The following DCT variants were observed in gnomAD, a reference collection of about 807,000 sequenced individuals.
DCT encodes L-dopachrome tautomerase.
Under a neutral mutation model 53.0 loss-of-function variants are expected in DCT, and 47 were observed. The observed-to-expected ratio is 0.89, with a 90% CI of 0.70 to 1.13. The LOEUF (loss-of-function observed/expected upper bound fraction) is 1.13. DCT is among the 50% of genes most tolerant of loss of function. The pLI is 0.00. For missense variants in DCT, 669 were observed against 637.4 expected, an observed-to-expected ratio of 1.05 and a Z score of -0.53; for synonymous variants, 244 against 237.0, an observed-to-expected ratio of 1.03 and a Z score of -0.27.
chr13:94,442,495 G>C (rs1882397379), intron 7 of DCT, among the ~76,000 whole-genome samples: 1 of 152,084 alleles, frequency 6.6e-6, no homozygotes, highest in Non-Finnish European at 1.5e-5. Context: ...TTTTAGCAGA[G>C]ATAGGTCTCA....
At chr13:94,524,824 G>C in the DCT span, among the ~76,000 whole-genome samples, 1 of 152,226 alleles carries the variant, frequency 6.6e-6, no homozygotes, top group East Asian at 1.9e-4. Flanking sequence ...TGTTACGAAT[G>C]TAACTAGTTA....
At chr13:94,542,750 A>G in the DCT span, among the ~76,000 whole-genome samples, 3 of 152,342 alleles carry the variant, frequency 2.0e-5, no homozygotes, top group African/African-American at 7.2e-5. Context: ...AAAGTAATTT[A>G]CTTGCATGAA....
In DCT at chr13:94,479,166, C is replaced by T; in HGVS notation, c.90G>A (p.Met30Ile). ...CCTTGTTCACTAGGCTGTCCACCGT[C>T]ATGCAGACTCGGGGGAACTGACCCT... The part of the protein sequence containing the change: ...GAQGQFPRVC[M>I]TVDSLVNKEC... The change falls in exon 1 of 8, where the codon ATG becomes ATA. Residue 30 changes from methionine to isoleucine, a missense_variant. Coordinates refer to ENST00000377028, the MANE Select transcript of DCT (RefSeq NM_001922.5). 1 of 1,613,784 alleles carries T rather than the reference C, an allele frequency of 6.2e-7. No homozygotes were observed. Among genetic ancestry groups the T allele is most frequent in the Non-Finnish European group, 8.5e-7 (1 of 1,179,676 alleles).
At chr13:94,548,320 T>G in the DCT span, among the ~76,000 whole-genome samples, 1 of 151,886 alleles carries the variant, frequency 6.6e-6, no homozygotes, top group African/African-American at 2.4e-5. Context: ...AATGTCCAAT[T>G]AGAGAATGAA....
In DCT at chr13:94,468,995, G is replaced by C; in HGVS notation, c.346C>G (p.Pro116Ala). ...GGTGGTTTCTTCCGCTCGCAGTTGGGACCGGTCCAGCCAAACTTGCAGTCT... is the reference window on the plus strand; with the variant it reads ...GGTGGTTTCTTCCGCTCGCAGTTGGCACCGGTCCAGCCAAACTTGCAGTCT... ...CGDCKFGWTGPNCERKKPPVI... is the reference protein window; with the variant it reads ...CGDCKFGWTGANCERKKPPVI... The change falls in exon 2 of 8, where the codon CCC becomes GCC. Residue 116 changes from proline (P) to alanine (A), a missense_variant. Physicochemically the swap from Pro to Ala is conservative, Grantham distance 27. Transcript: ENST00000377028. 1 of 1,614,132 alleles carries C rather than the reference G, an allele frequency of 6.2e-7. No individual in the cohort carries two copies. The highest frequency in any genetic ancestry group is 8.5e-7 in the Non-Finnish European group (1 of 1,180,020).
the DCT span, among the ~76,000 whole-genome samples, chr13:94,529,195 A>T: frequency 6.6e-6 from 1 of 152,184 alleles, no homozygotes; most frequent in Non-Finnish European, 1.5e-5. Context: ...ATAATAGGAG[A>T]CTTTAACACC....
At chr13:94,519,607 T>C in the DCT span, among the ~76,000 whole-genome samples, 1,019 of 152,310 alleles carry the variant, frequency 6.7e-3, 10 homozygotes, top group African/African-American at 0.024. Flanking sequence ...GGAAACATTG[T>C]CAGGAGGTGG....
At chr13:94,493,048 G>A in the DCT span, among the ~76,000 whole-genome samples, 3 of 152,146 alleles carry the variant, frequency 2.0e-5, no homozygotes, top group Non-Finnish European at 4.4e-5. Context: ...AACGTTCATT[G>A]TATCCAATGG....
the DCT span, among the ~76,000 whole-genome samples, chr13:94,547,941 C>T: frequency 3.5e-5 from 4 of 114,442 alleles, no homozygotes; most frequent in Admixed American, 2.4e-4. Flanking sequence ...CCAGCCTGGG[C>T]GTCAGAGTGA....
At chr13:94,529,508 A>T in the DCT span, among the ~76,000 whole-genome samples, 2 of 152,338 alleles carry the variant, frequency 1.3e-5, no homozygotes, top group South Asian at 4.1e-4. Flanking sequence ...ACACAACTAC[A>T]TGGAAACGGA....
chr13:94,509,064 A>G, the DCT span, among the ~76,000 whole-genome samples: 3 of 152,174 alleles, frequency 2.0e-5, no homozygotes, highest in African/African-American at 4.8e-5. Flanking sequence ...TCCCTCCTCC[A>G]TGGTGTCTTA....
chr13:94,536,303 C>T, the DCT span, among the ~76,000 whole-genome samples: 1 of 152,096 alleles, frequency 6.6e-6, no homozygotes, highest in East Asian at 1.9e-4. Flanking sequence ...GCAGCCAGGG[C>T]CTGTGATGCC....
chr13:94,480,771 G>T (rs985916306), upstream of DCT, among the ~76,000 whole-genome samples: 1 of 152,196 alleles, frequency 6.6e-6, no homozygotes, highest in Non-Finnish European at 1.5e-5. Context: ...CAATTCTAAT[G>T]CTCAGCCAGA....
chr13:94,547,984 A>AAAAAAATATATAT, the DCT span, among the ~76,000 whole-genome samples: 21 of 65,838 alleles, frequency 3.2e-4, no homozygotes, highest in African/African-American at 6.4e-4. Flanking sequence ...AAAAAAAAAA[A>AAAAAAATATATAT]ATATATATAT....
At chr13:94,536,066 C>T in the DCT span, among the ~76,000 whole-genome samples, 24 of 152,120 alleles carry the variant, frequency 1.6e-4, no homozygotes, top group Non-Finnish European at 3.5e-4. Context: ...AGAACTAGCT[C>T]AGAAGCCAGT....
At chr13:94,493,393 G>A in the DCT span, among the ~76,000 whole-genome samples, 3 of 152,064 alleles carry the variant, frequency 2.0e-5, no homozygotes, top group Non-Finnish European at 4.4e-5. Flanking sequence ...GATGAGTGTC[G>A]GCCAGAGGAC....
the DCT span, among the ~76,000 whole-genome samples, chr13:94,535,180 A>G: frequency 6.6e-6 from 1 of 152,240 alleles, no homozygotes; most frequent in Non-Finnish European, 1.5e-5. Context: ...TACAATTTAG[A>G]ACATATACTA....
the DCT span, among the ~76,000 whole-genome samples, chr13:94,512,500 G>A: frequency 1.3e-5 from 2 of 152,152 alleles, no homozygotes; most frequent in Non-Finnish European, 2.9e-5. Flanking sequence ...TATGTCAATA[G>A]GAATTATAAT....
chr13:94,456,640 A>G (rs1052202688), intron 6 of DCT, among the ~76,000 whole-genome samples: 5 of 152,170 alleles, frequency 3.3e-5, no homozygotes, highest in Admixed American at 6.5e-5. Context: ...CCAGTTTCCT[A>G]TTGTCCTAAT....
Sources: allele counts gnomAD v4.1 joint callset (sites outside exome capture counted in the v4.1 genomes callset), GRCh38; gene constraint gnomAD v4.1.1; transcripts MANE v1.5; gene names NCBI Gene and HGNC (gene_info 2026-07-23, HGNC 2026-07-21).